The following PDCD1LG2 variants were observed in gnomAD, a reference collection of about 807,000 sequenced individuals.
PDCD1LG2 encodes the protein programmed cell death 1 ligand 2.
A neutral mutation model predicts 28.2 loss-of-function variants in PDCD1LG2; 32 were observed. The observed-to-expected ratio is 1.13, with a 90% confidence interval of 0.86 to 1.52. PDCD1LG2 has a LOEUF of 1.52. Ranked by LOEUF, PDCD1LG2 falls within the 40% of genes most tolerant of loss-of-function variation. The pLI is 0.00. For missense variants in PDCD1LG2, 385 were observed against 323.8 expected, an observed-to-expected ratio of 1.19 and a Z score of -1.45; for synonymous variants, 116 against 120.2, an observed-to-expected ratio of 0.97 and a Z score of 0.23.
intron 2 of PDCD1LG2, among the ~76,000 whole-genome samples, chr9:5,524,147 T>G (rs1820327693): frequency 6.6e-6 from 1 of 152,212 alleles, no homozygotes; most frequent in Non-Finnish European, 1.5e-5. Flanking sequence ...ATGATCATTT[T>G]GCAGGTGAGG....
At chr9:5,565,571 C>T (rs542942561) in intron 6 of PDCD1LG2, among the ~76,000 whole-genome samples, 1 of 152,314 alleles carries the variant, frequency 6.6e-6, no homozygotes, top group East Asian at 1.9e-4. Context: ...TACACACAAT[C>T]TATACCACTC....
chr9:5,533,086 G>T (rs1008419916), intron 2 of PDCD1LG2, among the ~76,000 whole-genome samples: 1 of 152,194 alleles, frequency 6.6e-6, no homozygotes, highest in African/African-American at 2.4e-5. Flanking sequence ...AATAGCTAAT[G>T]CTTAGAAGCA....
intron 5 of PDCD1LG2, 77 bp from the exon 6 acceptor site, chr9:5,563,085 T>C (rs1586821494): frequency 8.7e-7 from 1 of 1,152,864 alleles, no homozygotes. Flanking sequence ...TTACTTTTTG[T>C]CCTGCCATAT....
At position 5,570,148 on chromosome 9, in the gene PDCD1LG2, C is replaced by G; in HGVS notation, c.*189C>G. ...CCTGGCCATGAAACTTGCCCCTTCACTGATCTGGACTCACCTCTGGAGCCT... is the reference window on the plus strand; with the variant it reads ...CCTGGCCATGAAACTTGCCCCTTCAGTGATCTGGACTCACCTCTGGAGCCT... On this transcript the variant is annotated 3_prime_UTR_variant, in exon 7 of 7. Transcript: ENST00000397747. 1.4e-6 allele frequency: 1 copy of G among 710,494 alleles called. No homozygotes were observed. The allele number at this position is 710,494 out of a possible 1,614,324, so 44.0% of individuals were successfully genotyped here. A position where few individuals can be genotyped will look rare whatever the true frequency, so the allele number is the denominator to read the frequency against.
intron 4 of PDCD1LG2, among the ~76,000 whole-genome samples, chr9:5,549,918 C>A (rs908731049): frequency 1.3e-5 from 2 of 152,158 alleles, no homozygotes; most frequent in Non-Finnish European, 2.9e-5. Context: ...TGAATGAATA[C>A]CCCAACTCAT....
In PDCD1LG2 at chr9:5,570,385, T is replaced by C. The variant is rs553849653; in HGVS notation, c.*426T>C. ...TGCCAATAGAGTTATTTTTTATCTATAGCTTCCTCTGGGTACTAGAAGAGG... is the reference window on the plus strand; with the variant it reads ...TGCCAATAGAGTTATTTTTTATCTACAGCTTCCTCTGGGTACTAGAAGAGG... On this transcript the variant is annotated 3_prime_UTR_variant, in exon 7 of 7. Transcript: ENST00000397747. 64 of 243,282 alleles carry C rather than the reference T, an allele frequency of 2.6e-4. No homozygotes were observed. The highest frequency in any genetic ancestry group is 4.4e-4 in the Non-Finnish European group (55 of 123,760). The allele number at this position is 243,282 out of a possible 1,614,324, so 15.1% of individuals were successfully genotyped here. A position where few individuals can be genotyped will look rare whatever the true frequency, so the allele number is the denominator to read the frequency against.
chr9:5,522,517 C>A lies in PDCD1LG2; in HGVS notation c.-14-16C>A, dbSNP rs2129725358. On this transcript the variant is annotated splice_polypyrimidine_tract_variant and intron_variant, in intron 1 of 6. Coordinates refer to ENST00000397747, the MANE Select transcript of PDCD1LG2 (RefSeq NM_025239.4). ...AAGTTTCACAAGGCCCTGAGACTTT[C>A]AATTGTCTATTTCAGATCAAATACA... 1 of 1,604,288 alleles carries A rather than the reference C, an allele frequency of 6.2e-7. No individual in the cohort carries two copies. The highest frequency in any genetic ancestry group is 1.1e-5 in the South Asian group (1 of 89,694).
chr9:5,529,874 GTCC>G (rs1563824056), intron 2 of PDCD1LG2, among the ~76,000 whole-genome samples: 1 of 152,184 alleles, frequency 6.6e-6, no homozygotes, highest in Non-Finnish European at 1.5e-5. Flanking sequence ...TCTCCATGCA[GTCC>G]TCCTACACTG....
intron 3 of PDCD1LG2, among the ~76,000 whole-genome samples, chr9:5,543,130 A>G (rs1436105919): frequency 6.6e-6 from 1 of 152,186 alleles, no homozygotes. Context: ...AAAACCAAAC[A>G]TTGTATGCTC....
At chr9:5,561,657 G>A (rs1217951919) in intron 5 of PDCD1LG2, among the ~76,000 whole-genome samples, 1 of 152,188 alleles carries the variant, frequency 6.6e-6, no homozygotes, top group East Asian at 1.9e-4. Flanking sequence ...ACCAGCTACA[G>A]AATCTAGATC....
chr9:5,552,589 T>C (rs573483813), intron 4 of PDCD1LG2, among the ~76,000 whole-genome samples: 7 of 152,246 alleles, frequency 4.6e-5, no homozygotes, highest in Admixed American at 2.0e-4. Context: ...CAAGTACAGT[T>C]GGGGTGAGGC....
intron 1 of PDCD1LG2, among the ~76,000 whole-genome samples, chr9:5,514,292 AAG>A (rs1820114780): frequency 6.6e-6 from 1 of 152,192 alleles, no homozygotes; most frequent in Admixed American, 6.5e-5. Context: ...GAATAAAAGA[AAG>A]AGATAATTAA....
chr9:5,528,648 C>T (rs141538463), intron 2 of PDCD1LG2, among the ~76,000 whole-genome samples: 10 of 152,170 alleles, frequency 6.6e-5, no homozygotes, highest in Admixed American at 6.5e-5. Context: ...TCATTGGTGA[C>T]ATTCAAATCA....
rs1816726544 is a variant in PDCD1LG2, at chr9:5,569,346, G to A, written c.817-608G>A. On this transcript the variant is annotated intron_variant, in intron 6 of 6. Transcript: ENST00000397747. This position sits in a 1 kb window ranked among gnomAD's most constrained non-coding sequence, Gnocchi z 4.1. ...AGGTCTGAAGGAGAAAGGGGAGGGA[G>A]CAGTTCCCAGAACCCTAGTAAAAAT... Among the ~76,000 whole-genome samples the A allele has an allele frequency of 1.3e-5, 2 of 152,142 alleles. No homozygotes were observed. Among genetic ancestry groups the A allele is most frequent in the Non-Finnish European group, 2.9e-5 (2 of 68,018 alleles).
At chr9:5,545,553 A>C (rs927628670) in intron 3 of PDCD1LG2, among the ~76,000 whole-genome samples, 1 of 152,266 alleles carries the variant, frequency 6.6e-6, no homozygotes, top group Non-Finnish European at 1.5e-5. Context: ...ACACTTCATA[A>C]TGATAAAAGA....
At chr9:5,514,365 C>T (rs1040190888) in intron 1 of PDCD1LG2, among the ~76,000 whole-genome samples, 1 of 152,164 alleles carries the variant, frequency 6.6e-6, no homozygotes, top group African/African-American at 2.4e-5. Context: ...TCTCCACAGA[C>T]AGTAGAAATG....
intron 1 of PDCD1LG2, 119 bp from the exon 2 acceptor site, chr9:5,522,414 A>C: frequency 1.4e-6 from 1 of 714,948 alleles, no homozygotes; most frequent in Non-Finnish European, 2.4e-6. Flanking sequence ...GCTCCACTCT[A>C]CCATGGTCTG....
chr9:5,549,372 T>A lies in PDCD1LG2; in HGVS notation c.399T>A (p.Val133=), dbSNP rs766139401. The change falls in exon 4 of 7, where the codon GTT becomes GTA. Residue 133 remains valine (V), a synonymous_variant. Coordinates refer to ENST00000397747, the MANE Select transcript of PDCD1LG2 (RefSeq NM_025239.4). ...YRKINTHILK[V]PETDEVELTC... ...AAATAAACACTCACATCCTAAAGGT[T>A]CCAGAAACAGATGAGGTAGAGCTCA... is the stretch of plus-strand genomic sequence containing the variant. The A allele has an allele frequency of 6.2e-7, 1 of 1,613,974 alleles. No homozygotes were observed.
At position 5,513,923 on chromosome 9, in the gene PDCD1LG2, G is replaced by C. The variant is rs140110260; in HGVS notation, c.-15+3120G>C. Among the ~76,000 whole-genome samples, 73 of 152,338 alleles carry C rather than the reference G, an allele frequency of 4.8e-4. 1 individual carries two copies. Among genetic ancestry groups the C allele is most frequent in the Non-Finnish European group, 8.2e-4 (56 of 68,030 alleles). On this transcript the variant is annotated intron_variant, in intron 1 of 6. Transcript: ENST00000397747. ...GTTCAGACATTGCTAATTACAATTA[G>C]TGTCTTAGACACTTGGCTTCAAAAC...
Sources: allele counts gnomAD v4.1 joint callset (sites outside exome capture counted in the v4.1 genomes callset), GRCh38; gene constraint gnomAD v4.1.1; non-coding constraint Gnocchi (gnomAD v3.1); transcripts MANE v1.5; gene names NCBI Gene and HGNC (gene_info 2026-07-23, HGNC 2026-07-21).